Variants in TKT observed in about 807,000 individuals in gnomAD.
The protein encoded by TKT is epididymis luminal protein 107.
Under a neutral mutation model 63.9 loss-of-function variants are expected in TKT, and 47 were observed. That is an observed-to-expected ratio of 0.74 (90% CI 0.58 to 0.94). The LOEUF (loss-of-function observed/expected upper bound fraction) is 0.94, where lower values mean the gene tolerates loss of function less well. Ranked by LOEUF, TKT falls within the 40% of genes least tolerant of loss-of-function variation. The pLI is 0.00. For missense variants in TKT, 721 were observed against 846.2 expected (o/e 0.85, Z 1.84); for synonymous variants, 338 against 334.1 (o/e 1.01, Z -0.13).
Position 53,225,608 on chromosome 3 carries a change from G to C in TKT, c.*148C>G, listed in dbSNP as rs1704460941. ...ACGCTTCTTCCCCAGAACCTGCACT[G>C]GCTGCAAACACATCAAAAAAGAAAA... On this transcript the variant is annotated 3_prime_UTR_variant, in exon 14 of 14. Transcript: ENST00000462138. 7.0e-6 allele frequency: 7 copies of C among 1,007,148 alleles called. No individual in the cohort carries two copies. In the South Asian group the frequency reaches 1.3e-4, roughly 19 times the overall value. 62.4% of individuals were successfully genotyped at this position (1,007,148 alleles called of 1,614,324 possible).
At chr3:53,255,011 C>A (rs1242304142) in intron 1 of TKT, among the ~76,000 whole-genome samples, 2 of 152,120 alleles carry the variant, frequency 1.3e-5, no homozygotes, top group Non-Finnish European at 2.9e-5. Context: ...GGCCCTGGAA[C>A]TCCGTCCTTC....
chr3:53,235,225 G>GCGGGGGGGGGGGGGC, intron 4 of TKT, 51 bp from the exon 5 acceptor site: 1 of 1,504,128 alleles, frequency 6.6e-7, no homozygotes, highest in Non-Finnish European at 8.9e-7. Context: ...GACCCAGCTG[G>GCGGGGGGGGGGGGGC]CTCCCACCCC....
intron 4 of TKT, among the ~76,000 whole-genome samples, chr3:53,236,686 G>A (rs951422192): frequency 5.3e-5 from 8 of 152,178 alleles, no homozygotes; most frequent in Non-Finnish European, 1.0e-4. Flanking sequence ...GCCACCCCAA[G>A]CCCACACCCA....
At chr3:53,248,560 T>C (rs1553681255) in intron 1 of TKT, among the ~76,000 whole-genome samples, 1 of 151,914 alleles carries the variant, frequency 6.6e-6, no homozygotes, top group African/African-American at 2.4e-5. Context: ...TCCCGGGAGG[T>C]TGAGGCTGCA....
rs1033746001 is a variant in TKT, at chr3:53,240,330, C to T, written c.358G>A (p.Val120Met). ...CCCTGGCCCAGGGAGCCAGTGGCCA[C>T]GTCGGTGAAAGCTTGTTTCTGTCAT... is the stretch of plus-strand genomic sequence containing the variant. The part of the protein sequence containing the change: ...HPVPKQAFTD[V>M]ATGSLGQGLG... The change falls in exon 4 of 14, where the codon GTG (valine) becomes ATG (methionine). Residue 120 changes from valine (V) to methionine (M), a missense_variant. Transcript: ENST00000462138. The T allele has an allele frequency of 1.4e-5, 22 of 1,612,622 alleles. No individual in the cohort carries two copies. The African/African-American group carries it at 2.1e-4, about 16-fold the overall frequency.
At chr3:53,235,364 C>G (rs954140207) in intron 4 of TKT, 190 bp from the exon 5 acceptor site, 30 of 498,112 alleles carry the variant, frequency 6.0e-5, no homozygotes, top group Admixed American at 1.1e-4. Flanking sequence ...AAGCCACACC[C>G]CAAGAGAAAA....
chr3:53,231,160 G>A (rs1372089683), intron 7 of TKT, among the ~76,000 whole-genome samples, 197 bp downstream of exon 7: 3 of 152,174 alleles, frequency 2.0e-5, no homozygotes, highest in Admixed American at 6.5e-5. Flanking sequence ...TCCCTTGCCC[G>A]GTCTGAGCCT....
intron 1 of TKT, among the ~76,000 whole-genome samples, chr3:53,253,292 TTCTTTCTTTCTCTCTCTCTC>T (rs1196519550): frequency 1.3e-5 from 2 of 151,954 alleles, no homozygotes; most frequent in Middle Eastern, 3.4e-3. Context: ...TTCTTGGCCT[TTCTTTCTTTCTCTCTCTCTC>T]TCTTTCTTTC....
Position 53,228,358 on chromosome 3 carries a change from C to T in TKT, c.1397G>A (p.Gly466Asp), listed in dbSNP as rs1553676060. Residue 466 changes from glycine (G) to aspartate (D), a missense_variant and splice_region_variant, in exon 11 of 14, where the codon GGT (glycine) becomes GAT (aspartate). Gly to Asp is a moderately conservative substitution (Grantham distance 94). Coordinates refer to ENST00000462138, the MANE Select transcript of TKT (RefSeq NM_001064.4). ...GCGGCTGGTCCGGATGAAGCAGATA[C>T]CCTGAGACCGAAACAGATAAACTGA... ...KAVELAANTK[G>D]ICFIRTSRPE... 1 of 1,613,966 alleles carries T rather than the reference C, an allele frequency of 6.2e-7. No homozygotes were observed. The highest frequency in any genetic ancestry group is 1.1e-5 in the South Asian group (1 of 91,078).
At chr3:53,227,531 A>T (rs1181382689) in intron 12 of TKT, 4 of 159,342 alleles carry the variant, frequency 2.5e-5, no homozygotes, top group African/African-American at 9.6e-5. Context: ...CTAAAACATG[A>T]CATCTGCTGT....
At chr3:53,243,731 C>A in intron 1 of TKT, 1 of 426,936 alleles carries the variant, frequency 2.3e-6, no homozygotes, top group Non-Finnish European at 4.7e-6. Context: ...ACCCTAATCC[C>A]ACGCTCCCAG....
At chr3:53,253,184 C>T (rs574675213) in intron 1 of TKT, among the ~76,000 whole-genome samples, 5 of 152,148 alleles carry the variant, frequency 3.3e-5, no homozygotes, top group Non-Finnish European at 7.3e-5. Flanking sequence ...GCTAATGTTA[C>T]CCAGGCTGGT....
rs41275537 is a variant in TKT, at chr3:53,226,814, G to C, written c.1638C>G (p.Leu546=). The stretch of plus-strand genomic sequence containing the variant: ...TGCCCTTGGTGGCACGAGCGCTGTC[G>C]AGAATGAGTTTTCTGTCCAGGGGCT... ...TIKPLDRKLI[L]DSARATKGRI... is the part of the protein sequence containing the mutation. Residue 546 remains leucine (L), a synonymous_variant, in exon 13 of 14, where the codon CTC becomes CTG. Coordinates refer to ENST00000462138, the MANE Select transcript of TKT (RefSeq NM_001064.4). 7.4e-5 allele frequency: 119 copies of C among 1,614,080 alleles called. No individual in the cohort carries two copies. The highest frequency in any genetic ancestry group is 9.9e-5 in the Non-Finnish European group (117 of 1,179,976).
intron 1 of TKT, among the ~76,000 whole-genome samples, chr3:53,250,847 T>C (rs1394009911): frequency 6.6e-6 from 1 of 152,044 alleles, no homozygotes; most frequent in African/African-American, 2.4e-5. Flanking sequence ...AGAGCCATGA[T>C]CATAACTCAC....
intron 5 of TKT, chr3:53,233,516 CTCT>C (rs1425145546): frequency 1.7e-5 from 7 of 412,054 alleles, no homozygotes; most frequent in African/African-American, 4.1e-5. Flanking sequence ...TTTCCTCCTC[CTCT>C]TAAGTAATCC....
chr3:53,228,010 T>C (rs1406601356), intron 12 of TKT, 46 bp downstream of exon 12: 2 of 1,537,082 alleles, frequency 1.3e-6, no homozygotes, highest in East Asian at 4.5e-5. Flanking sequence ...AGACCTAGCA[T>C]GCAGTGGCCG....
chr3:53,226,769 G>C lies in TKT; in HGVS notation c.1683C>G (p.Asp561Glu). 6.2e-7 allele frequency: 1 copy of C among 1,614,162 alleles called. No individual in the cohort carries two copies. Among genetic ancestry groups the C allele is most frequent in the East Asian group, 2.2e-5 (1 of 44,890 alleles). Reference protein sequence around the residue: ...ATKGRILTVEDHYYEGGIGEA... With the variant: ...ATKGRILTVEEHYYEGGIGEA... The stretch of plus-strand genomic sequence containing the variant: ...AGGCCTCCTTACCTTCATAATAATG[G>C]TCCTCCACGGTGAGGATCCTGCCCT... Residue 561 changes from aspartate (D) to glutamate (E), a missense_variant, in exon 13 of 14, where the codon GAC becomes GAG. Physicochemically the swap from Asp to Glu is conservative, Grantham distance 45. Coordinates refer to ENST00000462138, the MANE Select transcript of TKT (RefSeq NM_001064.4).
At chr3:53,249,070 G>A (rs1028985443) in intron 1 of TKT, among the ~76,000 whole-genome samples, 4 of 151,868 alleles carry the variant, frequency 2.6e-5, no homozygotes, top group African/African-American at 7.3e-5. Flanking sequence ...GGGTTCAAGC[G>A]ATTCTCATGC....
chr3:53,244,643 G>A (rs1407582722), intron 1 of TKT, among the ~76,000 whole-genome samples: 10 of 152,220 alleles, frequency 6.6e-5, no homozygotes, highest in African/African-American at 1.9e-4. Context: ...ACTTCCTAGC[G>A]GGCCTTTGGG....
Sources: allele counts gnomAD v4.1 joint callset (sites outside exome capture counted in the v4.1 genomes callset), GRCh38; gene constraint gnomAD v4.1.1; transcripts MANE v1.5; gene names NCBI Gene and HGNC (gene_info 2026-07-23, HGNC 2026-07-21).